Variants in CSMD1 observed in about 807,000 individuals in gnomAD.
The protein encoded by CSMD1 is CUB and Sushi multiple domains 1, also known as CUB and sushi domain-containing protein 1.
A neutral mutation model predicts 417.5 loss-of-function variants in CSMD1; 213 were observed. That is an observed-to-expected ratio of 0.51 (90% CI 0.46 to 0.57). The LOEUF is 0.57. CSMD1 is among the 20% of genes least tolerant of loss of function. The pLI, the probability that CSMD1 is intolerant of heterozygous loss-of-function variation, is 0.00. For missense variants in CSMD1, 6,923 were observed against 4,529.7 expected, an observed-to-expected ratio of 1.53 and a Z score of -15.17; for synonymous variants, 2,862 against 1,736.8, an observed-to-expected ratio of 1.65 and a Z score of -16.11.
At chr8:4,313,989 G>T (rs1033637456) in intron 3 of CSMD1, among the ~76,000 whole-genome samples, 1 of 151,328 alleles carries the variant, frequency 6.6e-6, no homozygotes, top group Non-Finnish European at 1.5e-5. Context: ...ACTCCAGCCT[G>T]GGCAACAAAG....
intron 23 of CSMD1, 55 bp from the exon 24 acceptor site, chr8:3,308,558 A>G: frequency 6.9e-7 from 1 of 1,440,936 alleles, no homozygotes; most frequent in Non-Finnish European, 9.6e-7. Context: ...CATCTGCCTT[A>G]AAACAGAGAT....
At chr8:4,528,038 T>G (rs1488213668) in intron 2 of CSMD1, among the ~76,000 whole-genome samples, 1 of 152,178 alleles carries the variant, frequency 6.6e-6, no homozygotes, top group South Asian at 2.1e-4. Context: ...TTGGAAAACA[T>G]GCATCAAAGC....
intron 5 of CSMD1, among the ~76,000 whole-genome samples, chr8:3,983,023 A>G (rs1227805856): frequency 6.6e-6 from 1 of 152,058 alleles, no homozygotes; most frequent in Non-Finnish European, 1.5e-5. Context: ...GCACAGCGGG[A>G]TAAATCATGG....
intron 5 of CSMD1, among the ~76,000 whole-genome samples, chr8:3,997,304 A>G (rs907614483): frequency 6.6e-6 from 1 of 152,198 alleles, no homozygotes; most frequent in African/African-American, 2.4e-5. Context: ...AATAGGCGGT[A>G]CTTCATTAGA....
rs577673994 is a variant in CSMD1 at position 4,434,686 on chromosome 8, A to T, written c.303-14621T>A. On this transcript the variant is annotated intron_variant, in intron 2 of 69. Coordinates refer to ENST00000635120, the MANE Select transcript of CSMD1 (RefSeq NM_033225.6). ...CGATTTACTTTTTGACTGGAAAGGA[A>T]CAAAGAGTAACAAATGTTTTCATGC... Among the ~76,000 whole-genome samples, 196 of 152,152 alleles carry T rather than the reference A, an allele frequency of 1.3e-3. 1 individual carries two copies. Among genetic ancestry groups the T allele is most frequent in the Non-Finnish European group, 2.4e-3 (166 of 68,024 alleles).
intron 5 of CSMD1, among the ~76,000 whole-genome samples, chr8:3,902,686 T>C (rs1807834958): frequency 6.6e-6 from 1 of 152,098 alleles, no homozygotes; most frequent in African/African-American, 2.4e-5. Flanking sequence ...GCATCCTGGT[T>C]CTTAACAGGC....
intron 11 of CSMD1, among the ~76,000 whole-genome samples, chr8:3,488,706 A>T (rs17394534): frequency 0.25 from 38,668 of 152,098 alleles, 5,461 homozygotes; most frequent in Non-Finnish European, 0.31. Context: ...ACGCTTCCAG[A>T]TAAGAGGCCG....
intron 5 of CSMD1, among the ~76,000 whole-genome samples, chr8:3,779,203 G>A (rs1269486155): frequency 6.6e-6 from 1 of 150,828 alleles, no homozygotes; most frequent in African/African-American, 2.4e-5. Context: ...TATTTGAGAG[G>A]GTGAATAAGA....
intron 4 of CSMD1, among the ~76,000 whole-genome samples, chr8:4,007,653 C>T (rs1417497804): frequency 6.6e-6 from 1 of 152,108 alleles, no homozygotes; most frequent in African/African-American, 2.4e-5. Flanking sequence ...TAGGAGGCGG[C>T]CTGATAGAAG....
At position 4,978,831 on chromosome 8, in the gene CSMD1, G is replaced by A. The variant is rs968284971; in HGVS notation, c.85+15501C>T. On this transcript the variant is annotated intron_variant, in intron 1 of 69. Transcript: ENST00000635120. ...CAGGTGCCTGTAATCCCAGCTACTC[G>A]GGAGGTTGAGGCAGGAGAATCGCTT... Among the ~76,000 whole-genome samples the A allele has an allele frequency of 3.3e-5, 5 of 151,814 alleles. No homozygotes were observed. The East Asian group carries it at 5.8e-4, about 18-fold the overall frequency.
intron 23 of CSMD1, among the ~76,000 whole-genome samples, chr8:3,341,095 A>C (rs547384523): frequency 6.6e-6 from 1 of 152,224 alleles, no homozygotes; most frequent in African/African-American, 2.4e-5. Context: ...AAAACTTCCT[A>C]AAGTGATGCT....
intron 2 of CSMD1, among the ~76,000 whole-genome samples, chr8:4,539,026 C>T (rs868462435): frequency 2.6e-5 from 4 of 152,186 alleles, no homozygotes; most frequent in Non-Finnish European, 4.4e-5. Context: ...TGTCAGGCAA[C>T]GTTATCCTCC....
chr8:4,687,934 T>G (rs1273632031), intron 1 of CSMD1, among the ~76,000 whole-genome samples: 3 of 152,198 alleles, frequency 2.0e-5, no homozygotes, highest in Admixed American at 6.5e-5. Context: ...TGATGGTTGA[T>G]CTTTCACATC....
At chr8:3,590,636 A>C (rs940092114) in intron 8 of CSMD1, among the ~76,000 whole-genome samples, 1 of 152,210 alleles carries the variant, frequency 6.6e-6, no homozygotes, top group Non-Finnish European at 1.5e-5. Flanking sequence ...AAAAGCCATC[A>C]ATAGAATATG....
chr8:4,293,394 T>C (rs1172052441), intron 3 of CSMD1, among the ~76,000 whole-genome samples: 1 of 152,202 alleles, frequency 6.6e-6, no homozygotes, highest in Non-Finnish European at 1.5e-5. Flanking sequence ...ACTCTTAAGC[T>C]CCTGCATTAT....
chr8:3,905,904 C>G (rs1030462781), intron 5 of CSMD1, among the ~76,000 whole-genome samples: 1 of 152,218 alleles, frequency 6.6e-6, no homozygotes, highest in African/African-American at 2.4e-5. Flanking sequence ...TTATTTGCTC[C>G]TTTGCAATGG....
intron 2 of CSMD1, among the ~76,000 whole-genome samples, chr8:4,471,083 C>T (rs1800504626): frequency 6.6e-6 from 1 of 152,060 alleles, no homozygotes. Context: ...AAATCTTTGA[C>T]ATATTTGTTT....
At chr8:4,292,321 G>C (rs1464707356) in intron 3 of CSMD1, among the ~76,000 whole-genome samples, 1 of 152,006 alleles carries the variant, frequency 6.6e-6, no homozygotes, top group Non-Finnish European at 1.5e-5. Flanking sequence ...GTCGCGACCT[G>C]GGCTCACTGC....
At chr8:4,141,546 G>A (rs146542773) in intron 3 of CSMD1, among the ~76,000 whole-genome samples, 1 of 151,062 alleles carries the variant, frequency 6.6e-6, no homozygotes, top group Non-Finnish European at 1.5e-5. Context: ...AAACAAAGGG[G>A]TTAAGAAGCT....
Sources: allele counts gnomAD v4.1 joint callset (sites outside exome capture counted in the v4.1 genomes callset), GRCh38; gene constraint gnomAD v4.1.1; transcripts MANE v1.5; gene names NCBI Gene and HGNC (gene_info 2026-07-23, HGNC 2026-07-21).